ERMP1: variants seen among roughly 807,000 people sequenced by gnomAD.
ERMP1 encodes Felix-ina.
Under a neutral mutation model 92.0 loss-of-function variants are expected in ERMP1, and 86 were observed. That is an observed-to-expected ratio of 0.93 (90% CI 0.79 to 1.12). The LOEUF (loss-of-function observed/expected upper bound fraction) is 1.12, where lower values mean the gene tolerates loss of function less well. Among genes scored for constraint, ERMP1 ranks in the 50% most tolerant of loss-of-function variants. ERMP1 has a pLI of 0.00. For synonymous variants in ERMP1, 530 were observed against 412.8 expected (o/e 1.28, Z -3.44); for missense variants, 1,342 against 1,116.3 (o/e 1.20, Z -2.88).
chr9:5,866,304 G>A (rs1476583441), intron 5 of ERMP1, among the ~76,000 whole-genome samples: 6 of 152,066 alleles, frequency 3.9e-5, no homozygotes, highest in South Asian at 4.2e-4. Flanking sequence ...CTTCTGTTTC[G>A]GGGAACAGAA....
chr9:5,834,015 A>C (rs1586831045), upstream of ERMP1, among the ~76,000 whole-genome samples: 1 of 152,328 alleles, frequency 6.6e-6, no homozygotes, highest in Non-Finnish European at 1.5e-5. Flanking sequence ...CCTAGAGACC[A>C]ACTGGGAGAG....
At chr9:5,822,906 C>A (rs1563767605) in intron 4 of ERMP1, among the ~76,000 whole-genome samples, 1 of 152,170 alleles carries the variant, frequency 6.6e-6, no homozygotes, top group Non-Finnish European at 1.5e-5. Flanking sequence ...AAATAACTCC[C>A]ACATGCTTAG....
At chr9:5,859,668 C>A (rs1247022014) in intron 5 of ERMP1, among the ~76,000 whole-genome samples, 1 of 152,170 alleles carries the variant, frequency 6.6e-6, no homozygotes, top group Non-Finnish European at 1.5e-5. Flanking sequence ...TTTGCTATCC[C>A]AACTTACCCA....
chr9:5,831,026 T>C lies in ERMP1; in HGVS notation c.341A>G (p.Asp114Gly), dbSNP rs774417762. 1.9e-6 allele frequency: 3 copies of C among 1,601,432 alleles called. No individual in the cohort carries two copies. The highest frequency in any genetic ancestry group is 2.2e-5 in the East Asian group (1 of 44,638). The change falls in exon 2 of 15, where the codon GAT becomes GGT. Residue 114 changes from aspartate (D) to glycine (G), a missense_variant and splice_region_variant. Transcript: ENST00000339450. ...RGEFDALQAR[D>G]YLEHITSIGP... ...AATGGAGGTTATGTGTTCAAGATAATCCCTGGAAGTAACCAAAAGAATAAC... is the reference window on the plus strand; with the variant it reads ...AATGGAGGTTATGTGTTCAAGATAACCCCTGGAAGTAACCAAAAGAATAAC...
exon 6 of ERMP1, among the ~76,000 whole-genome samples, chr9:5,859,534 T>C (rs984858919): frequency 1.3e-5 from 2 of 152,216 alleles, no homozygotes; most frequent in African/African-American, 4.8e-5. Context: ...AAATGGCAAG[T>C]GGGCAACATC....
chr9:5,790,503 G>A (rs1333294519), intron 13 of ERMP1, among the ~76,000 whole-genome samples: 1 of 152,046 alleles, frequency 6.6e-6, no homozygotes, highest in Non-Finnish European at 1.5e-5. Context: ...TTTCAACTTG[G>A]CTTACAAAGC....
intron 3 of ERMP1, 84 bp downstream of exon 3, chr9:5,825,008 T>C: frequency 1.4e-6 from 2 of 1,389,080 alleles, no homozygotes; most frequent in Non-Finnish European, 2.0e-6. Context: ...AAAAAATGCA[T>C]TTACTATTTA....
intron 4 of ERMP1, among the ~76,000 whole-genome samples, chr9:5,815,833 G>A (rs909251617): frequency 2.0e-5 from 3 of 152,072 alleles, no homozygotes; most frequent in African/African-American, 7.2e-5. Context: ...CATGCATCCT[G>A]ATGTGATGCA....
intron 5 of ERMP1, among the ~76,000 whole-genome samples, chr9:5,864,429 A>T (rs557783012): frequency 6.6e-6 from 1 of 152,332 alleles, no homozygotes; most frequent in South Asian, 2.1e-4. Flanking sequence ...ACTGTCAAGG[A>T]AGAACTGAAA....
chr9:5,834,417 C>G (rs374791967), upstream of ERMP1, among the ~76,000 whole-genome samples: 2 of 152,230 alleles, frequency 1.3e-5, no homozygotes, highest in African/African-American at 4.8e-5. Context: ...GTAAGCCCCA[C>G]GAAGGCAGGA....
intron 6 of ERMP1, among the ~76,000 whole-genome samples, chr9:5,848,076 T>C (rs1012827031): frequency 1.3e-5 from 2 of 152,288 alleles, no homozygotes; most frequent in Non-Finnish European, 2.9e-5. Context: ...GATCTGAAGA[T>C]GAGTCTGTGT....
intron 8 of ERMP1, among the ~76,000 whole-genome samples, chr9:5,808,106 A>G (rs146601540): frequency 1.1e-3 from 175 of 152,308 alleles, no homozygotes; most frequent in African/African-American, 3.8e-3. Flanking sequence ...TACAGGTGTA[A>G]GCCACCATGC....
intron 5 of ERMP1, among the ~76,000 whole-genome samples, chr9:5,865,553 C>A (rs999918804): frequency 6.7e-6 from 1 of 149,400 alleles, no homozygotes; most frequent in African/African-American, 2.5e-5. Context: ...TATATGCAGG[C>A]CGGGCGCAGT....
At chr9:5,842,304 C>T (rs1428149806) in intron 6 of ERMP1, among the ~76,000 whole-genome samples, 4 of 151,942 alleles carry the variant, frequency 2.6e-5, no homozygotes, top group Non-Finnish European at 2.9e-5. Flanking sequence ...ACACAGAGCA[C>T]TGGTTGGTGT....
intron 12 of ERMP1, 135 bp from the exon 13 acceptor site, chr9:5,798,067 A>G (rs1828513793): frequency 1.5e-6 from 1 of 661,946 alleles, no homozygotes; most frequent in Admixed American, 3.0e-5. Flanking sequence ...AGCAATGCCA[A>G]CTCCAACAAA....
chr9:5,813,168 CT>C (rs1829172306), intron 4 of ERMP1, 133 bp from the exon 5 acceptor site: 4 of 815,018 alleles, frequency 4.9e-6, no homozygotes, highest in Non-Finnish European at 7.8e-6. Flanking sequence ...CTTTTCATCC[CT>C]TTTTCTGTAG....
chr9:5,857,473 G>A (rs1319660361), intron 6 of ERMP1, among the ~76,000 whole-genome samples: 1 of 152,106 alleles, frequency 6.6e-6, no homozygotes, highest in Non-Finnish European at 1.5e-5. Context: ...AAATTGATTT[G>A]GGGATTACAA....
chr9:5,832,672 G>C lies in ERMP1; in HGVS notation c.338+18C>G. 1 of 1,408,600 alleles carries C rather than the reference G, an allele frequency of 7.1e-7. No individual in the cohort carries two copies. The allele number at this position is 1,408,600 out of a possible 1,614,324, so 87.3% of individuals were successfully genotyped here. A position where few individuals can be genotyped will look rare whatever the true frequency, so the allele number is the denominator to read the frequency against. ...GCAAACGGACGCGCGGGCCGTGCCA[G>C]GAGGGAGCGGCCGGTACCTGGCTTG... is the stretch of plus-strand genomic sequence containing the variant. On this transcript the variant is annotated intron_variant, in intron 1 of 14. Coordinates refer to ENST00000339450, the MANE Select transcript of ERMP1 (RefSeq NM_024896.3).
chr9:5,849,281 A>C (rs552833267), intron 6 of ERMP1, among the ~76,000 whole-genome samples: 63 of 152,340 alleles, frequency 4.1e-4, no homozygotes, highest in Non-Finnish European at 7.6e-4. Flanking sequence ...TTGGCCTCCC[A>C]AAATGCTGGG....
Sources: gnomAD v4.1 joint callset for allele counts (sites outside exome capture counted in the v4.1 genomes callset) on GRCh38, gnomAD v4.1.1 for gene constraint, MANE v1.5 for transcripts, NCBI Gene and HGNC (gene_info 2026-07-23, HGNC 2026-07-21) for gene names.